The following IFT80 variants were observed in gnomAD, a reference collection of about 807,000 sequenced individuals.
IFT80 encodes the protein intraflagellar transport protein 80 homolog.
IFT80 carries 79 observed loss-of-function variants against 107.9 expected under a neutral mutation model. That is an observed-to-expected ratio of 0.73 (90% confidence interval 0.61 to 0.88). The LOEUF (loss-of-function observed/expected upper bound fraction) is 0.88, where lower values mean the gene tolerates loss of function less well. Among genes scored for constraint, IFT80 ranks in the 40% least tolerant of loss-of-function variants. The pLI, the probability that IFT80 is intolerant of heterozygous loss-of-function variation, is 0.00. For synonymous variants in IFT80, 299 were observed against 300.9 expected (o/e 0.99, Z 0.07); for missense variants, 797 against 914.2 (o/e 0.87, Z 1.65).
intron 8 of IFT80, among the ~76,000 whole-genome samples, chr3:160,324,621 G>C (rs1718537606): frequency 6.6e-6 from 1 of 152,038 alleles, no homozygotes; most frequent in Admixed American, 6.6e-5. Context: ...GTATTGATGG[G>C]ACATATCTCA....
chr3:160,312,738 T>A (rs1717417157), intron 9 of IFT80, among the ~76,000 whole-genome samples: 1 of 44,508 alleles, frequency 2.2e-5, no homozygotes, highest in South Asian at 5.3e-4. Context: ...ATATATTATA[T>A]ATAAATATAT....
intron 3 of IFT80, among the ~76,000 whole-genome samples, chr3:160,378,749 T>C (rs999803681): frequency 2.0e-5 from 3 of 151,810 alleles, no homozygotes; most frequent in African/African-American, 7.3e-5. Flanking sequence ...AATATATTTA[T>C]GAAATAAAAT....
chr3:160,334,313 T>C (rs1719300874), intron 8 of IFT80, among the ~76,000 whole-genome samples: 2 of 152,198 alleles, frequency 1.3e-5, no homozygotes, highest in South Asian at 4.1e-4. Flanking sequence ...AGATGAGATA[T>C]GTTATTAGTT....
chr3:160,290,275 G>A (rs1715445408), intron 12 of IFT80, among the ~76,000 whole-genome samples: 2 of 151,968 alleles, frequency 1.3e-5, no homozygotes, highest in Non-Finnish European at 2.9e-5. Context: ...GGGCGTGGTG[G>A]TGCATGCCTG....
intron 8 of IFT80, among the ~76,000 whole-genome samples, chr3:160,324,821 G>A (rs879630514): frequency 8.2e-4 from 125 of 152,202 alleles, no homozygotes; most frequent in Non-Finnish European, 1.4e-3. Flanking sequence ...ATTCAATTAG[G>A]AAAAGAGGAA....
chr3:160,324,820 G>T (rs1718556484), intron 8 of IFT80, among the ~76,000 whole-genome samples: 1 of 152,078 alleles, frequency 6.6e-6, no homozygotes, highest in Admixed American at 6.6e-5. Flanking sequence ...TATTCAATTA[G>T]GAAAAGAGGA....
chr3:160,387,970 T>C (rs6772987), intron 1 of IFT80, among the ~76,000 whole-genome samples: 5,288 of 152,244 alleles, frequency 0.035, 320 homozygotes, highest in African/African-American at 0.12. Flanking sequence ...AGAGCCAGTA[T>C]AGATATTGGT....
chr3:160,390,082 T>C (rs1713251659), intron 1 of IFT80, among the ~76,000 whole-genome samples: 1 of 151,990 alleles, frequency 6.6e-6, no homozygotes, highest in Non-Finnish European at 1.5e-5. Context: ...ATATGGGAGT[T>C]TGGGAGGCAA....
At position 160,258,302 on chromosome 3, in the gene IFT80, T is replaced by C; in HGVS notation, c.*223A>G. 1.7e-6 allele frequency: 1 copy of C among 604,942 alleles called. No individual in the cohort carries two copies. Among genetic ancestry groups the C allele is most frequent in the Non-Finnish European group, 2.9e-6 (1 of 350,728 alleles). 37.5% of individuals were successfully genotyped at this position (604,942 alleles called of 1,614,324 possible). ...ACTACACAGGTATCTCTTAAGTACA[T>C]AGTAATATTTTGCTAATTATTGGAC... is the stretch of plus-strand genomic sequence containing the variant. On this transcript the variant is annotated 3_prime_UTR_variant, in exon 20 of 20. Coordinates refer to ENST00000326448, the MANE Select transcript of IFT80 (RefSeq NM_020800.3).
At chr3:160,302,346 T>C (rs573929504) in intron 11 of IFT80, among the ~76,000 whole-genome samples, 1 of 152,162 alleles carries the variant, frequency 6.6e-6, no homozygotes, top group East Asian at 1.9e-4. Flanking sequence ...ATTGAAGGGT[T>C]TGGCCCTTAC....
rs966579353 is a variant in IFT80, at chr3:160,288,522, C to A, written c.1316-2654G>T. Among the ~76,000 whole-genome samples the A allele has an allele frequency of 3.8e-4, 58 of 152,108 alleles. 1 individual carries two copies. The highest frequency in any genetic ancestry group is 1.3e-3 in the African/African-American group (53 of 41,484). ...ATTAAACTTAAGACCTTCTGCACAG[C>A]AAAATAAACTATCAACAGAGTAAAC... On this transcript the variant is annotated intron_variant, in intron 12 of 19. Coordinates refer to ENST00000326448, the MANE Select transcript of IFT80 (RefSeq NM_020800.3).
chr3:160,321,832 T>C (rs1022563474), intron 8 of IFT80, among the ~76,000 whole-genome samples: 4 of 151,716 alleles, frequency 2.6e-5, no homozygotes, highest in Non-Finnish European at 1.5e-5. Context: ...TTTATTTTTT[T>C]ATATGTGAAA....
At chr3:160,330,360 G>T (rs1479717587) in intron 8 of IFT80, among the ~76,000 whole-genome samples, 1 of 152,140 alleles carries the variant, frequency 6.6e-6, no homozygotes, top group East Asian at 1.9e-4. Flanking sequence ...CTCTCTGACA[G>T]TACCTTACCA....
chr3:160,325,946 T>A (rs574243308), intron 8 of IFT80, among the ~76,000 whole-genome samples: 1 of 152,070 alleles, frequency 6.6e-6, no homozygotes, highest in Admixed American at 6.6e-5. Context: ...TATAACAATA[T>A]TGTGATAGTA....
intron 8 of IFT80, among the ~76,000 whole-genome samples, chr3:160,344,645 T>C (rs1720155215): frequency 6.6e-6 from 1 of 151,994 alleles, no homozygotes; most frequent in Admixed American, 6.6e-5. Flanking sequence ...ATCAACAAAG[T>C]GAACAGACAA....
At chr3:160,330,578 A>G (rs1005247558) in intron 8 of IFT80, among the ~76,000 whole-genome samples, 1 of 152,152 alleles carries the variant, frequency 6.6e-6, no homozygotes, top group Admixed American at 6.6e-5. Flanking sequence ...CATCAGAGTT[A>G]CCTAGGATTG....
intron 8 of IFT80, among the ~76,000 whole-genome samples, chr3:160,328,875 CA>C (rs1718881521): frequency 6.6e-6 from 1 of 151,906 alleles, no homozygotes; most frequent in African/African-American, 2.4e-5. Flanking sequence ...CCTTAGCAAA[CA>C]AACACAGGAG....
intron 1 of IFT80, among the ~76,000 whole-genome samples, chr3:160,389,937 A>G (rs1713238184): frequency 6.6e-6 from 1 of 152,216 alleles, no homozygotes; most frequent in Admixed American, 6.5e-5. Flanking sequence ...ACTAGTTTAC[A>G]GTCCCACCAA....
chr3:160,279,367 G>A lies in IFT80; in HGVS notation c.1665-3C>T, dbSNP rs1250612540. On this transcript the variant is annotated splice_polypyrimidine_tract_variant and splice_region_variant and intron_variant, in intron 15 of 19. Transcript: ENST00000326448. ...TATGGGGATTTTTACTAAATTCACT[G>A]TTGAAAAAAAAAGCAAAGTACAATT... The A allele has an allele frequency of 7.5e-6, 12 of 1,609,082 alleles. No individual in the cohort carries two copies. The highest frequency in any genetic ancestry group is 2.2e-5 in the East Asian group (1 of 44,780).
Sources: gnomAD v4.1 joint callset for allele counts (sites outside exome capture counted in the v4.1 genomes callset) on GRCh38, gnomAD v4.1.1 for gene constraint, MANE v1.5 for transcripts, NCBI Gene and HGNC (gene_info 2026-07-23, HGNC 2026-07-21) for gene names.